PLXDC2: variants seen among roughly 807,000 people sequenced by gnomAD.
PLXDC2 encodes the protein plexin domain-containing protein 2.
In PLXDC2, 40 loss-of-function variants were observed where a neutral mutation model predicts 68.9. The ratio of observed to expected loss-of-function variants is 0.58; its 90% CI spans 0.45 to 0.76. PLXDC2 has a LOEUF of 0.76. Among genes scored for constraint, PLXDC2 ranks in the 30% least tolerant of loss-of-function variants. PLXDC2 has a pLI of 0.00. For missense variants in PLXDC2, 644 were observed against 661.9 expected (o/e 0.97, Z 0.30); for synonymous variants, 243 against 234.2 (o/e 1.04, Z -0.34).
At chr10:20,004,731 G>C (rs1834998772) in intron 2 of PLXDC2, among the ~76,000 whole-genome samples, 1 of 152,120 alleles carries the variant, frequency 6.6e-6, no homozygotes, top group Admixed American at 6.5e-5. Context: ...TATAAAATAA[G>C]AAATCTCTTT....
At chr10:20,064,183 C>G (rs1187087989) in intron 3 of PLXDC2, among the ~76,000 whole-genome samples, 1 of 150,490 alleles carries the variant, frequency 6.6e-6, no homozygotes, top group Non-Finnish European at 1.5e-5. Context: ...AATGTTTACA[C>G]TGTAGTAATT....
chr10:20,220,609 T>G (rs1394038160), intron 12 of PLXDC2, among the ~76,000 whole-genome samples: 1 of 152,014 alleles, frequency 6.6e-6, no homozygotes, highest in East Asian at 1.9e-4. Flanking sequence ...TGTGAGAGAC[T>G]CTGGAAAAAA....
chr10:20,228,370 G>C (rs926532431), intron 12 of PLXDC2, among the ~76,000 whole-genome samples: 1 of 151,974 alleles, frequency 6.6e-6, no homozygotes, highest in African/African-American at 2.4e-5. Context: ...AGACTAGCCT[G>C]GGCAACACAG....
At chr10:20,234,130 A>G (rs377342549) in intron 12 of PLXDC2, among the ~76,000 whole-genome samples, 2 of 152,130 alleles carry the variant, frequency 1.3e-5, no homozygotes, top group Admixed American at 6.5e-5. Flanking sequence ...CCCGGCCAGC[A>G]AATCACAGAG....
chr10:19,869,419 A>G (rs1007557988), intron 1 of PLXDC2, among the ~76,000 whole-genome samples: 1 of 135,526 alleles, frequency 7.4e-6, no homozygotes, highest in African/African-American at 2.7e-5. Context: ...GCAAGACTCT[A>G]CCAGAAAGAA....
intron 4 of PLXDC2, among the ~76,000 whole-genome samples, chr10:20,110,404 A>G (rs922941326): frequency 6.6e-6 from 1 of 152,186 alleles, no homozygotes; most frequent in African/African-American, 2.4e-5. Context: ...TCTCTCCCGC[A>G]ATCTTTCTCA....
At chr10:20,048,386 T>G (rs1835835051) in intron 3 of PLXDC2, among the ~76,000 whole-genome samples, 1 of 151,944 alleles carries the variant, frequency 6.6e-6, no homozygotes, top group Non-Finnish European at 1.5e-5. Context: ...CCACCCCAGT[T>G]TTTTCTATAT....
intron 13 of PLXDC2, among the ~76,000 whole-genome samples, chr10:20,252,832 G>A (rs16920170): frequency 6.6e-6 from 1 of 152,064 alleles, no homozygotes; most frequent in Non-Finnish European, 1.5e-5. Context: ...TACAAAAGAG[G>A]CAGTCACCAT....
chr10:20,222,442 T>C (rs912311486), intron 12 of PLXDC2, among the ~76,000 whole-genome samples: 7 of 152,196 alleles, frequency 4.6e-5, no homozygotes, highest in African/African-American at 1.7e-4. Context: ...GAATCTTCAA[T>C]TGTGCAGTGA....
intron 4 of PLXDC2, among the ~76,000 whole-genome samples, chr10:20,135,617 A>G (rs926054736): frequency 3.9e-5 from 6 of 152,160 alleles, no homozygotes; most frequent in Non-Finnish European, 5.9e-5. Flanking sequence ...TCCCCTCTTC[A>G]TATACACATT....
intron 4 of PLXDC2, among the ~76,000 whole-genome samples, chr10:20,078,132 T>G (rs1470979533): frequency 6.6e-6 from 1 of 152,224 alleles, no homozygotes; most frequent in East Asian, 1.9e-4. Flanking sequence ...TGCAGAAATT[T>G]TTAAAGCTAT....
At chr10:20,161,698 G>C (rs188830796) in intron 6 of PLXDC2, among the ~76,000 whole-genome samples, 20 of 152,100 alleles carry the variant, frequency 1.3e-4, no homozygotes, top group Non-Finnish European at 1.9e-4. Flanking sequence ...AATAAAAGAT[G>C]GCTGGGTAAG....
At chr10:19,991,801 C>T (rs1054107639) in intron 1 of PLXDC2, among the ~76,000 whole-genome samples, 1 of 152,188 alleles carries the variant, frequency 6.6e-6, no homozygotes, top group Non-Finnish European at 1.5e-5. Context: ...TCATCTCTCA[C>T]ACTGGGTACC....
At chr10:19,895,154 T>A (rs1008108532) in intron 1 of PLXDC2, among the ~76,000 whole-genome samples, 3 of 152,142 alleles carry the variant, frequency 2.0e-5, no homozygotes, top group African/African-American at 2.4e-5. Context: ...GAACTACTTT[T>A]CTTAACAACT....
intron 13 of PLXDC2, among the ~76,000 whole-genome samples, chr10:20,272,681 A>G (rs1466970215): frequency 6.6e-6 from 1 of 152,194 alleles, no homozygotes; most frequent in Non-Finnish European, 1.5e-5. Context: ...AACTGACTCA[A>G]ATAAAATTGG....
At chr10:20,267,461 C>G (rs1777804212) in intron 13 of PLXDC2, among the ~76,000 whole-genome samples, 1 of 152,058 alleles carries the variant, frequency 6.6e-6, no homozygotes, top group Non-Finnish European at 1.5e-5. Flanking sequence ...TGCAAAAATT[C>G]CAGCTTTTAC....
chr10:20,040,873 A>G (rs1435508590), intron 2 of PLXDC2, among the ~76,000 whole-genome samples: 1 of 152,226 alleles, frequency 6.6e-6, no homozygotes, highest in African/African-American at 2.4e-5. Flanking sequence ...TTAAAAGGTT[A>G]CCTAAAACAT....
intron 4 of PLXDC2, among the ~76,000 whole-genome samples, chr10:20,141,472 G>T (rs532090824): frequency 1.3e-5 from 2 of 152,046 alleles, no homozygotes; most frequent in Admixed American, 1.3e-4. Flanking sequence ...AAGTTAAGCA[G>T]TTTCTTCTAT....
intron 3 of PLXDC2, 110 bp downstream of exon 3, chr10:20,047,125 C>T (rs1835811480): frequency 4.4e-6 from 5 of 1,144,218 alleles, no homozygotes. Context: ...ATTAGAATGG[C>T]CTTATCTGTG....
Sources: gnomAD v4.1 joint callset for allele counts (sites outside exome capture counted in the v4.1 genomes callset) on GRCh38, gnomAD v4.1.1 for gene constraint, MANE v1.5 for transcripts, NCBI Gene and HGNC (gene_info 2026-07-23, HGNC 2026-07-21) for gene names.